The following WIPF3 variants were observed in gnomAD, a reference collection of about 807,000 sequenced individuals.
WIPF3 encodes the protein WAS/WASL interacting protein family member 3.
In WIPF3, 33 loss-of-function variants were observed where a neutral mutation model predicts 38.9. The ratio of observed to expected loss-of-function variants is 0.85; its 90% CI spans 0.64 to 1.14. The LOEUF is 1.14. Ranked by LOEUF, WIPF3 falls within the 50% of genes most tolerant of loss-of-function variation. The probability of loss-of-function intolerance (pLI) is 0.00; values close to 1 mark genes in which losing one functional copy is unlikely to be tolerated. For missense variants in WIPF3, 711 were observed against 652.5 expected (o/e 1.09, Z -0.98); for synonymous variants, 324 against 269.3 (o/e 1.20, Z -1.99).
Position 29,884,142 on chromosome 7 carries a change from A to T in WIPF3, c.648A>T (p.Ala216=). The T allele has an allele frequency of 6.8e-7, 1 of 1,465,936 alleles. No homozygotes were observed. The highest frequency in any genetic ancestry group is 2.7e-5 in the East Asian group (1 of 37,102). 90.8% of individuals were successfully genotyped at this position (1,465,936 alleles called of 1,614,324 possible). A position where few individuals can be genotyped will look rare whatever the true frequency, so the allele number is the denominator to read the frequency against. Residue 216 remains alanine, a synonymous_variant, in exon 5 of 9, where the codon GCA becomes GCT. Coordinates refer to ENST00000242140, the MANE Select transcript of WIPF3 (RefSeq NM_001080529.3). The stretch of plus-strand genomic sequence containing the variant: ...CCAAAGGGAACCTCCCGGTGGTTGC[A>T]CCCCCCGTCCCCTGTGCGCCACCAC... ...PLTKGNLPVV[A]PPVPCAPPPP...
At chr7:29,849,986 T>G (rs1432466516) in intron 2 of WIPF3, among the ~76,000 whole-genome samples, 1 of 152,242 alleles carries the variant, frequency 6.6e-6, no homozygotes, top group Non-Finnish European at 1.5e-5. Flanking sequence ...GGGAATTGCT[T>G]TTTGTCAGAG....
chr7:29,857,217 C>T (rs1184657885), intron 2 of WIPF3, among the ~76,000 whole-genome samples: 1 of 152,120 alleles, frequency 6.6e-6, no homozygotes, highest in Non-Finnish European at 1.5e-5. Flanking sequence ...TCCCTCACCT[C>T]ACCTTGTCCC....
At chr7:29,816,298 T>TTTA (rs1018171140) in intron 1 of WIPF3, among the ~76,000 whole-genome samples, 49 of 151,854 alleles carry the variant, frequency 3.2e-4, no homozygotes, top group African/African-American at 6.0e-4. Context: ...TACTCGTTCT[T>TTTA]TTATTATTAT....
intron 2 of WIPF3, among the ~76,000 whole-genome samples, chr7:29,867,009 C>G (rs1252111332): frequency 6.6e-6 from 1 of 152,226 alleles, no homozygotes; most frequent in Non-Finnish European, 1.5e-5. Context: ...GGACATAATA[C>G]TCATAACTAG....
rs567030374 is a variant in WIPF3, at chr7:29,831,212, AG to A, written c.-57-3455del. Among the ~76,000 whole-genome samples the A allele has an allele frequency of 2.7e-3, 414 of 152,348 alleles. 1 individual carries two copies. Among genetic ancestry groups the A allele is most frequent in the Non-Finnish European group, 4.2e-3 (287 of 68,030 alleles). ...GCTGAAGCGCTGCCTAGTATTCTTA[AG>A]CCCAAGAAGGCCGTGATGTGCCTTA... is the stretch of plus-strand genomic sequence containing the variant. On this transcript the variant is annotated intron_variant, in intron 1 of 8. Coordinates refer to ENST00000242140, the MANE Select transcript of WIPF3 (RefSeq NM_001080529.3).
Position 29,879,072 on chromosome 7 carries a change from C to T in WIPF3, c.287C>T (p.Pro96Leu). ...AACACACGAGGCGCGAGCACACCTCCCACCCTGGGAGATCTGTTTGCTGGT... is the reference window on the plus strand; with the variant it reads ...AACACACGAGGCGCGAGCACACCTCTCACCCTGGGAGATCTGTTTGCTGGT... ...SANTRGASTP[P>L]TLGDLFAGGF... Residue 96 changes from proline to leucine, a missense_variant, in exon 4 of 9, where the codon CCC (proline) becomes CTC (leucine). Physicochemically the swap from Pro to Leu is moderately conservative, Grantham distance 98. Coordinates refer to ENST00000242140, the MANE Select transcript of WIPF3 (RefSeq NM_001080529.3). 1 of 1,610,884 alleles carries T rather than the reference C, an allele frequency of 6.2e-7. No homozygotes were observed. Among genetic ancestry groups the T allele is most frequent in the Non-Finnish European group, 8.5e-7 (1 of 1,178,458 alleles).
chr7:29,904,532 C>G (rs1408290618), intron 8 of WIPF3, 170 bp downstream of exon 8: 1 of 592,630 alleles, frequency 1.7e-6, no homozygotes, highest in Non-Finnish European at 2.9e-6. Context: ...GAAACACTCA[C>G]CATTTCAAAA....
chr7:29,877,846 A>G (rs1159436740), intron 3 of WIPF3, among the ~76,000 whole-genome samples: 1 of 152,228 alleles, frequency 6.6e-6, no homozygotes, highest in Non-Finnish European at 1.5e-5. Context: ...CGCATTATGT[A>G]TATGTAAATA....
intron 1 of WIPF3, among the ~76,000 whole-genome samples, chr7:29,834,370 G>T (rs1784765619): frequency 6.6e-6 from 1 of 151,420 alleles, no homozygotes; most frequent in African/African-American, 2.4e-5. Flanking sequence ...ATGAAGGATT[G>T]CTATATATAT....
At chr7:29,890,857 G>A (rs546795004) in intron 7 of WIPF3, among the ~76,000 whole-genome samples, 1 of 137,300 alleles carries the variant, frequency 7.3e-6, no homozygotes, top group Non-Finnish European at 1.6e-5. Context: ...GAGGGGATGT[G>A]GGCCTGCCCT....
At chr7:29,810,789 T>C (rs1784360797) in intron 1 of WIPF3, among the ~76,000 whole-genome samples, 1 of 152,260 alleles carries the variant, frequency 6.6e-6, no homozygotes, top group South Asian at 2.1e-4. Flanking sequence ...TGTATGATCT[T>C]GGACAAATTA....
Position 29,834,738 on chromosome 7 carries a change from C to A in WIPF3, c.14C>A (p.Pro5Gln). The stretch of plus-strand genomic sequence containing the variant: ...ACACCGTGACACATGCCAGTGCCAC[C>A]GCCACCCCCACCTCCTCTGCCTCCA... The part of the protein sequence containing the change: MPVP[P>Q]PPPPPLPPPP... Residue 5 changes from proline to glutamine, a missense_variant, in exon 2 of 9, where the codon CCG becomes CAG. Coordinates refer to ENST00000242140, the MANE Select transcript of WIPF3 (RefSeq NM_001080529.3). The A allele has an allele frequency of 1.3e-6, 2 of 1,510,296 alleles. No individual in the cohort carries two copies. Among genetic ancestry groups the A allele is most frequent in the Non-Finnish European group, 8.9e-7 (1 of 1,127,034 alleles). 93.6% of individuals were successfully genotyped at this position (1,510,296 alleles called of 1,614,324 possible). A position where few individuals can be genotyped will look rare whatever the true frequency, so the allele number is the denominator to read the frequency against.
At chr7:29,829,208 CTTTTT>C (rs57757714) in intron 1 of WIPF3, among the ~76,000 whole-genome samples, 6 of 74,514 alleles carry the variant, frequency 8.1e-5, no homozygotes, top group Admixed American at 1.6e-4. Context: ...CTGACTCCTG[CTTTTT>C]TTTTTTTTTT....
chr7:29,915,167 A>G lies in WIPF3; in HGVS notation c.*651A>G. 1 of 141,902 alleles carries G rather than the reference A, an allele frequency of 7.0e-6. No homozygotes were observed. Among genetic ancestry groups the G allele is most frequent in the Non-Finnish European group, 1.5e-5 (1 of 66,670 alleles). 8.8% of individuals were successfully genotyped at this position (141,902 alleles called of 1,614,324 possible). A position where few individuals can be genotyped will look rare whatever the true frequency, so the allele number is the denominator to read the frequency against. On this transcript the variant is annotated 3_prime_UTR_variant, in exon 9 of 9. Transcript: ENST00000242140. ...GAGTGGGCTTGGCCCTCCGATGCCA[A>G]CCACAGGGCCCCTTTTGTAACTGAA... is the stretch of plus-strand genomic sequence containing the variant.
chr7:29,853,274 T>C (rs1785134453), intron 2 of WIPF3, among the ~76,000 whole-genome samples: 1 of 152,142 alleles, frequency 6.6e-6, no homozygotes, highest in Non-Finnish European at 1.5e-5. Context: ...CCTCTAGGAG[T>C]TCCCCTGGCA....
chr7:29,895,480 C>T (rs1786121961), intron 7 of WIPF3, among the ~76,000 whole-genome samples: 1 of 152,130 alleles, frequency 6.6e-6, no homozygotes, highest in Non-Finnish European at 1.5e-5. Flanking sequence ...TATGATTCAA[C>T]AAGAAATAGG....
intron 2 of WIPF3, among the ~76,000 whole-genome samples, chr7:29,867,683 G>C (rs987294688): frequency 4.6e-5 from 7 of 151,076 alleles, no homozygotes; most frequent in African/African-American, 1.5e-4. Flanking sequence ...GAGAATATTG[G>C]CATCATTGTA....
At position 29,884,361 on chromosome 7, in the gene WIPF3, T is replaced by TGC; in HGVS notation, c.867_868insGC (p.Pro290AlafsTer85). The TGC allele has an allele frequency of 5.2e-5, 68 of 1,317,692 alleles. No individual in the cohort carries two copies. Among genetic ancestry groups the TGC allele is most frequent in the Non-Finnish European group, 6.5e-5 (66 of 1,017,754 alleles). The allele number at this position is 1,317,692 out of a possible 1,614,324, so 81.6% of individuals were successfully genotyped here. On this transcript the variant is annotated frameshift_variant, in exon 5 of 9. Transcript: ENST00000242140. LOFTEE classifies it high-confidence loss of function. ...GCCCTGCGCAAGATGCGCAGGAGCC[T>TGC]CCCGCCCCGCCGCCCCCGCTCCCCC...
chr7:29,894,249 G>A (rs935696557), intron 7 of WIPF3, among the ~76,000 whole-genome samples: 3 of 152,080 alleles, frequency 2.0e-5, no homozygotes, highest in Non-Finnish European at 2.9e-5. Context: ...GTGCTCACTC[G>A]CGTCCTCAAG....
Sources: gnomAD v4.1 joint callset for allele counts (sites outside exome capture counted in the v4.1 genomes callset) on GRCh38, gnomAD v4.1.1 for gene constraint, MANE v1.5 for transcripts, NCBI Gene and HGNC (gene_info 2026-07-23, HGNC 2026-07-21) for gene names.